The following TFAP2D variants were observed in gnomAD, a reference collection of about 807,000 sequenced individuals.
TFAP2D encodes transcription factor AP-2 delta.
A neutral mutation model predicts 43.6 loss-of-function variants in TFAP2D; 9 were observed. That is an observed-to-expected ratio of 0.21 (90% CI 0.12 to 0.36). The LOEUF (loss-of-function observed/expected upper bound fraction) is 0.36. Ranked by LOEUF, TFAP2D falls within the 10% of genes least tolerant of loss-of-function variation. The pLI is 1.00. For missense variants in TFAP2D, 513 were observed against 561.4 expected (o/e 0.91, Z 0.87); for synonymous variants, 256 against 224.9 (o/e 1.14, Z -1.24).
At chr6:50,743,784 T>C (rs1257383013) in intron 5 of TFAP2D, among the ~76,000 whole-genome samples, 3 of 152,310 alleles carry the variant, frequency 2.0e-5, no homozygotes, top group African/African-American at 7.2e-5. Context: ...TGTAATATAA[T>C]ATCTTGTATT....
chr6:50,729,073 C>T, intron 4 of TFAP2D, 52 bp downstream of exon 4: 4 of 1,607,620 alleles, frequency 2.5e-6, no homozygotes, highest in Non-Finnish European at 3.4e-6. Context: ...GATACCATAC[C>T]CTCAACCCTT....
In TFAP2D at chr6:50,715,223, C is replaced by T; in HGVS notation, c.147C>T (p.Ser49=). The change falls in exon 2 of 8, where the codon TCC becomes TCT. Residue 49 remains serine (S), a synonymous_variant. Transcript: ENST00000008391. Reference sequence around the variant, plus strand: ...CCTCCTCCTCTCCTTTAACTTACTCCACCACCGGCACCGAGTTTGCGTCCC... The same window carrying T: ...CCTCCTCCTCTCCTTTAACTTACTCTACCACCGGCACCGAGTTTGCGTCCC... ...AYSSSSPLTY[S]TTGTEFASPY... is the part of the protein sequence containing the mutation. 3.1e-6 allele frequency: 5 copies of T among 1,613,990 alleles called. No homozygotes were observed. Among genetic ancestry groups the T allele is most frequent in the Non-Finnish European group, 4.2e-6 (5 of 1,180,010 alleles).
At chr6:50,747,538 A>G (rs991177430) in intron 6 of TFAP2D, among the ~76,000 whole-genome samples, 66 of 152,218 alleles carry the variant, frequency 4.3e-4, no homozygotes, top group African/African-American at 1.3e-3. Flanking sequence ...CTTAATCCAG[A>G]GAAACACTTC....
intron 3 of TFAP2D, among the ~76,000 whole-genome samples, chr6:50,722,550 C>T (rs1361678705): frequency 1.3e-5 from 2 of 151,874 alleles, no homozygotes; most frequent in Non-Finnish European, 2.9e-5. Context: ...TCCCTTATGG[C>T]CGCCTCCCCT....
intron 7 of TFAP2D, among the ~76,000 whole-genome samples, chr6:50,764,942 T>G (rs1769421285): frequency 6.6e-6 from 1 of 152,180 alleles, no homozygotes; most frequent in South Asian, 2.1e-4. Context: ...TAAGATATAC[T>G]CTCTTAATTA....
chr6:50,746,357 C>T (rs1000517436), intron 6 of TFAP2D, among the ~76,000 whole-genome samples: 1 of 152,028 alleles, frequency 6.6e-6, no homozygotes, highest in Non-Finnish European at 1.5e-5. Flanking sequence ...CCCACCTCAG[C>T]CTCCCGAGTA....
At chr6:50,734,145 G>T (rs992663137) in intron 5 of TFAP2D, among the ~76,000 whole-genome samples, 15 of 151,914 alleles carry the variant, frequency 9.9e-5, no homozygotes, top group Non-Finnish European at 2.1e-4. Context: ...TGTTGCTCTT[G>T]TCTTTCATTT....
intron 7 of TFAP2D, among the ~76,000 whole-genome samples, chr6:50,760,888 G>A (rs1038289983): frequency 4.6e-5 from 7 of 151,262 alleles, no homozygotes; most frequent in Non-Finnish European, 8.8e-5. Context: ...TGCTGTTGTT[G>A]TTGAGGGTCT....
At chr6:50,736,219 C>A (rs1004832055) in intron 5 of TFAP2D, among the ~76,000 whole-genome samples, 1 of 152,140 alleles carries the variant, frequency 6.6e-6, no homozygotes, top group Non-Finnish European at 1.5e-5. Context: ...AAGTGTAGTG[C>A]GTTGACCTCT....
rs150225561 is a variant in TFAP2D at position 50,746,037 on chromosome 6, A to C, written c.1025+789A>C. 9.4e-3 allele frequency among the ~76,000 whole-genome samples: 1,437 copies of C among 152,222 alleles called. 11 individuals carry two copies. The highest frequency in any genetic ancestry group is 0.017 in the Non-Finnish European group (1,125 of 68,002). On this transcript the variant is annotated intron_variant, in intron 6 of 7. Coordinates refer to ENST00000008391, the MANE Select transcript of TFAP2D (RefSeq NM_172238.4). ...GATAGCACTGCAGGTTACGTTCAAA[A>C]GTTTTAGAGGAAAATCCTTCTGGTA...
chr6:50,723,108 G>T (rs1768755971), intron 3 of TFAP2D, among the ~76,000 whole-genome samples: 1 of 152,206 alleles, frequency 6.6e-6, no homozygotes, highest in Non-Finnish European at 1.5e-5. Flanking sequence ...TTGTCAGAGC[G>T]CTTAGAGGTG....
At chr6:50,760,745 C>T (rs1414000895) in intron 7 of TFAP2D, among the ~76,000 whole-genome samples, 1 of 151,942 alleles carries the variant, frequency 6.6e-6, no homozygotes, top group Non-Finnish European at 1.5e-5. Flanking sequence ...GGATAAGACC[C>T]AGTTACATGC....
At chr6:50,742,579 T>C (rs767592733) in intron 5 of TFAP2D, among the ~76,000 whole-genome samples, 2 of 52,098 alleles carry the variant, frequency 3.8e-5, no homozygotes, top group Non-Finnish European at 1.0e-4. Flanking sequence ...CACACATAGA[T>C]AGATAGATAG....
chr6:50,735,927 A>T (rs971619173), intron 5 of TFAP2D, among the ~76,000 whole-genome samples: 1 of 152,148 alleles, frequency 6.6e-6, no homozygotes, highest in Admixed American at 6.6e-5. Flanking sequence ...ATTATTAGGG[A>T]TAACATCTGT....
intron 1 of TFAP2D, 34 bp downstream of exon 1, chr6:50,714,128 C>A: frequency 1.4e-6 from 2 of 1,395,306 alleles, no homozygotes; most frequent in South Asian, 1.2e-5. Context: ...TTTTTTTGAG[C>A]GCGCGTGTGT....
intron 3 of TFAP2D, among the ~76,000 whole-genome samples, chr6:50,724,527 G>T (rs2114034267): frequency 6.6e-6 from 1 of 152,272 alleles, no homozygotes; most frequent in Admixed American, 6.5e-5. Flanking sequence ...AGTATTGATC[G>T]CACCTGGAGA....
rs1581762534 is a variant in TFAP2D, at chr6:50,729,172, G to A, written c.765-22G>A. 8.7e-6 allele frequency: 14 copies of A among 1,607,716 alleles called. No individual in the cohort carries two copies. In the East Asian group the frequency reaches 3.1e-4, roughly 36 times the overall value. Reference sequence around the variant, plus strand: ...TCAGAATGTGAAATTTCAAAACCTAGTTTTTGTTTGTTTTTGTACAGAGCA... The same window carrying A: ...TCAGAATGTGAAATTTCAAAACCTAATTTTTGTTTGTTTTTGTACAGAGCA... On this transcript the variant is annotated intron_variant, in intron 4 of 7. Coordinates refer to ENST00000008391, the MANE Select transcript of TFAP2D (RefSeq NM_172238.4).
chr6:50,761,462 G>A (rs1769363421), intron 7 of TFAP2D, among the ~76,000 whole-genome samples: 2 of 151,936 alleles, frequency 1.3e-5, no homozygotes, highest in Admixed American at 6.6e-5. Context: ...ACAACTGAGT[G>A]ATCTAATCTT....
chr6:50,766,002 T>C (rs1463275615), intron 7 of TFAP2D, among the ~76,000 whole-genome samples: 3 of 152,228 alleles, frequency 2.0e-5, no homozygotes, highest in Admixed American at 6.5e-5. Flanking sequence ...TTATTATGTT[T>C]CAGTTTTTAA....
Sources: gnomAD v4.1 joint callset for allele counts (sites outside exome capture counted in the v4.1 genomes callset) on GRCh38, gnomAD v4.1.1 for gene constraint, MANE v1.5 for transcripts, NCBI Gene and HGNC (gene_info 2026-07-23, HGNC 2026-07-21) for gene names.